Variants in CELSR1 observed in about 807,000 individuals in gnomAD.
The protein encoded by CELSR1 is cadherin EGF LAG seven-pass G-type receptor 1.
CELSR1 carries 110 observed loss-of-function variants against 249.1 expected under a neutral mutation model. The observed-to-expected ratio is 0.44, with a 90% CI of 0.38 to 0.52. The LOEUF is 0.52. CELSR1 is among the 20% of genes least tolerant of loss of function. The pLI is 0.00. For missense variants in CELSR1, 4,109 were observed against 4,296.4 expected, an observed-to-expected ratio of 0.96 and a Z score of 1.22; for synonymous variants, 2,113 against 1,900.0, an observed-to-expected ratio of 1.11 and a Z score of -2.92.
rs1846821513 is a variant in CELSR1, at chr22:46,396,178, A to C, written c.5843+427T>G. Among the ~76,000 whole-genome samples the C allele has an allele frequency of 6.6e-6, 1 of 152,130 alleles. No homozygotes were observed. The highest frequency in any genetic ancestry group is 2.4e-5 in the African/African-American group (1 of 41,430). ...TCCCAGCACTTTGGGAGGCTGAGGC[A>C]GGTGGATCACTTGAGGTCAGGAGTT... is the stretch of plus-strand genomic sequence containing the variant. On this transcript the variant is annotated intron_variant, in intron 13 of 34. Coordinates refer to ENST00000674500, the MANE Select transcript of CELSR1 (RefSeq NM_001378328.1). This position sits in a 1 kb window ranked among gnomAD's most constrained non-coding sequence, Gnocchi z 6.4.
Position 46,433,299 on chromosome 22 carries a change from T to A in CELSR1, c.4611+94A>T, listed in dbSNP as rs1483071503. ...ATCCACCTGCCTTGGCCTCTCAAAGTGCTGGGATTACAGGCGTGAGCCACT... is the reference window on the plus strand; with the variant it reads ...ATCCACCTGCCTTGGCCTCTCAAAGAGCTGGGATTACAGGCGTGAGCCACT... On this transcript the variant is annotated intron_variant, in intron 5 of 34. Transcript: ENST00000674500. The surrounding 1 kb of genome is among the most constrained non-coding windows in gnomAD (Gnocchi z 5.7). The A allele has an allele frequency of 1.1e-6, 1 of 911,116 alleles. No homozygotes were observed. The allele number at this position is 911,116 out of a possible 1,614,324, so 56.4% of individuals were successfully genotyped here.
chr22:46,412,417 G>A lies in CELSR1; in HGVS notation c.4612-658C>T, dbSNP rs2079348554. On this transcript the variant is annotated intron_variant, in intron 5 of 34. Transcript: ENST00000674500. This position sits in a 1 kb window ranked among gnomAD's most constrained non-coding sequence, Gnocchi z 4.5. Reference sequence around the variant, plus strand: ...TTCTGGGGGTGTCCTCCTGACCACGGCACCTGGCCAGGTTCGTGCTCCTGG... The same window carrying A: ...TTCTGGGGGTGTCCTCCTGACCACGACACCTGGCCAGGTTCGTGCTCCTGG... Among the ~76,000 whole-genome samples the A allele has an allele frequency of 6.6e-6, 1 of 152,106 alleles. No homozygotes were observed. Among genetic ancestry groups the A allele is most frequent in the African/African-American group, 2.4e-5 (1 of 41,406 alleles).
chr22:46,494,754 G>T (rs939681546), intron 1 of CELSR1, among the ~76,000 whole-genome samples: 1 of 152,010 alleles, frequency 6.6e-6, no homozygotes. Context: ...TGATCCGCCC[G>T]CCTCGGTCTC....
chr22:46,457,289 G>A (rs973278101), intron 2 of CELSR1, among the ~76,000 whole-genome samples: 3 of 152,080 alleles, frequency 2.0e-5, no homozygotes, highest in African/African-American at 4.8e-5. Context: ...AGGCTGCAGT[G>A]AGCCAAGGTT....
At position 46,361,833 on chromosome 22, in the gene CELSR1, G is replaced by A. The variant is rs2078707686; in HGVS notation, c.*1390C>T. On this transcript the variant is annotated 3_prime_UTR_variant, in exon 35 of 35. Coordinates refer to ENST00000674500, the MANE Select transcript of CELSR1 (RefSeq NM_001378328.1). ...TGGGCACCTGATTTGAAGAACAAAG[G>A]AAACGCTAAAATCAAACATGTCTGA... 1 of 152,262 alleles carries A rather than the reference G, an allele frequency of 6.6e-6. No homozygotes were observed. Among genetic ancestry groups the A allele is most frequent in the Non-Finnish European group, 1.5e-5 (1 of 68,052 alleles). 9.4% of individuals were successfully genotyped at this position (152,262 alleles called of 1,614,324 possible).
Position 46,429,883 on chromosome 22 carries a change from C to T in CELSR1, c.4611+3510G>A, listed in dbSNP as rs1197392310. Among the ~76,000 whole-genome samples the T allele has an allele frequency of 2.0e-5, 3 of 152,268 alleles. No homozygotes were observed. The highest frequency in any genetic ancestry group is 7.2e-5 in the African/African-American group (3 of 41,470). ...GCAGCTCCGCTGGCACTGCCTCCAG[C>T]CCTGGGTCCCACACCGCCTCTCATG... On this transcript the variant is annotated intron_variant, in intron 5 of 34. Transcript: ENST00000674500. This position sits in a 1 kb window ranked among gnomAD's most constrained non-coding sequence, Gnocchi z 4.1.
rs1046472896 is a variant in CELSR1 at position 46,441,800 on chromosome 22, G to A, written c.4184-2389C>T. ...GCACCATTCTGTCCAGAGCAGATAT[G>A]TATGAGACAACTGGCAATTTTAAAA... On this transcript the variant is annotated intron_variant, in intron 2 of 34. Coordinates refer to ENST00000674500, the MANE Select transcript of CELSR1 (RefSeq NM_001378328.1). This position sits in a 1 kb window ranked among gnomAD's most constrained non-coding sequence, Gnocchi z 6.1. Among the ~76,000 whole-genome samples, 3 of 152,204 alleles carry A rather than the reference G, an allele frequency of 2.0e-5. No homozygotes were observed. Among genetic ancestry groups the A allele is most frequent in the Non-Finnish European group, 4.4e-5 (3 of 68,034 alleles).
At chr22:46,519,116 G>A (rs1055615693) in intron 1 of CELSR1, among the ~76,000 whole-genome samples, 5 of 152,068 alleles carry the variant, frequency 3.3e-5, no homozygotes, top group Non-Finnish European at 5.9e-5. Context: ...GACACTGGCC[G>A]GGGAGAAGCC....
In CELSR1 at chr22:46,416,102, C is replaced by CG. The variant is rs1230223357; in HGVS notation, c.4612-4344_4612-4343insC. ...AGCTGACGATGAATGGTACAGGTTGCAGAGGGGGGCGGATAAGGAATGAGA... is the reference window on the plus strand; with the variant it reads ...AGCTGACGATGAATGGTACAGGTTGCGAGAGGGGGGCGGATAAGGAATGAGA... On this transcript the variant is annotated intron_variant, in intron 5 of 34. Transcript: ENST00000674500. Among the ~76,000 whole-genome samples the CG allele has an allele frequency of 9.0e-5, 11 of 122,386 alleles. 2 individuals carry two copies. Among genetic ancestry groups the CG allele is most frequent in the African/African-American group, 3.0e-4 (9 of 30,270 alleles). 80.3% of individuals were successfully genotyped at this position (122,386 alleles called of 152,430 possible).
At position 46,367,050 on chromosome 22, in the gene CELSR1, G is replaced by C; in HGVS notation, c.8148C>G (p.Leu2716=). Residue 2716 remains leucine (L), a synonymous_variant, in exon 29 of 35, where the codon CTC becomes CTG. Transcript: ENST00000674500. ...CCTCCAGGTGCAGCTTCCTCCCGCCGAGCACGCCCTTCAGGTGCTTCCGGA... is the reference window on the plus strand; with the variant it reads ...CCTCCAGGTGCAGCTTCCTCCCGCCCAGCACGCCCTTCAGGTGCTTCCGGA... ...QEVRKHLKGV[L]GGRKLHLEDS... 1 of 1,611,188 alleles carries C rather than the reference G, an allele frequency of 6.2e-7. No individual in the cohort carries two copies. The highest frequency in any genetic ancestry group is 8.5e-7 in the Non-Finnish European group (1 of 1,179,564).
chr22:46,367,833 G>C lies in CELSR1; in HGVS notation c.7975C>G (p.Leu2659Val), dbSNP rs1405655386. 6.2e-7 allele frequency: 1 copy of C among 1,611,376 alleles called. No individual in the cohort carries two copies. Among genetic ancestry groups the C allele is most frequent in the Non-Finnish European group, 8.5e-7 (1 of 1,179,706 alleles). The part of the protein sequence containing the change: ...GIVSLLRTAF[L>V]LLLLISATWL... ...GTGGCGCTGATGAGCAGCAGCAGGA[G>C]GAATGCGGTCCTCAGCAGGGAGCTG... Residue 2659 changes from leucine (L) to valine (V), a missense_variant, in exon 28 of 35, where the codon CTC becomes GTC. Around this residue, in one of 7 missense-constraint regions of CELSR1, gnomAD observed 1,805 missense variants for 1,831.6 expected, o/e 0.99. Coordinates refer to ENST00000674500, the MANE Select transcript of CELSR1 (RefSeq NM_001378328.1).
intron 2 of CELSR1, among the ~76,000 whole-genome samples, chr22:46,453,772 G>A (rs1255517382): frequency 6.6e-6 from 1 of 152,180 alleles, no homozygotes; most frequent in African/African-American, 2.4e-5. Context: ...GATCGTGGCC[G>A]GTTATAAACA....
At chr22:46,462,963 A>G (rs1264467379) in intron 2 of CELSR1, 2 of 463,950 alleles carry the variant, frequency 4.3e-6, no homozygotes, top group East Asian at 7.1e-5. Flanking sequence ...TCAAGACCCA[A>G]ATGATTAATG....
chr22:46,535,590 G>A lies in CELSR1; in HGVS notation c.1581C>T (p.Val527=). The A allele has an allele frequency of 1.2e-6, 2 of 1,613,446 alleles. No individual in the cohort carries two copies. Among genetic ancestry groups the A allele is most frequent in the Non-Finnish European group, 1.7e-6 (2 of 1,180,034 alleles). ...CCTTAATGCTCAGCGAGTATTTCTGGACATCCTCGAAATCCAAGGGGTTGA... is the reference window on the plus strand; with the variant it reads ...CCTTAATGCTCAGCGAGTATTTCTGAACATCCTCGAAATCCAAGGGGTTGA... The part of the protein sequence containing the change: ...DVINPLDFED[V]QKYSLSIKAQ... Residue 527 remains valine, a synonymous_variant, in exon 1 of 35, where the codon GTC becomes GTT. Transcript: ENST00000674500.
At position 46,436,329 on chromosome 22, in the gene CELSR1, C is replaced by T. The variant is rs1458080949; in HGVS notation, c.4407-40G>A. 1 of 1,531,360 alleles carries T rather than the reference C, an allele frequency of 6.5e-7. No individual in the cohort carries two copies. The highest frequency in any genetic ancestry group is 9.0e-7 in the Non-Finnish European group (1 of 1,106,850). The allele number at this position is 1,531,360 out of a possible 1,614,324, so 94.9% of individuals were successfully genotyped here. A position where few individuals can be genotyped will look rare whatever the true frequency, so the allele number is the denominator to read the frequency against. On this transcript the variant is annotated intron_variant, in intron 3 of 34. Transcript: ENST00000674500. This position sits in a 1 kb window ranked among gnomAD's most constrained non-coding sequence, Gnocchi z 5.9. ...AGAGGCACATCACAGGATGAAGACC[C>T]CAGGGTCCAAAGGCTGCCTAGGAAT...
chr22:46,464,136 C>G lies in CELSR1; in HGVS notation c.3754G>C (p.Asp1252His). The change falls in exon 2 of 35, where the codon GAC (aspartate) becomes CAC (histidine). Residue 1252 changes from aspartate (D) to histidine (H), a missense_variant. Asp to His is a moderately conservative substitution (Grantham distance 81). This residue lies in a region of CELSR1 where 141 missense variants were observed against 209.4 expected (regional missense o/e 0.67). Transcript: ENST00000674500. This position sits in a 1 kb window ranked among gnomAD's most constrained non-coding sequence, Gnocchi z 8.5. Reference sequence around the variant, plus strand: ...ACGTTCAGGATGTTGGAGCTGACGTCGGTGTCGTTCTGGACGTTGAAGACG... The same window carrying G: ...ACGTTCAGGATGTTGGAGCTGACGTGGGTGTCGTTCTGGACGTTGAAGACG... ...VFVFNVQNDT[D>H]VSSNILNVTF... The G allele has an allele frequency of 1.2e-6, 2 of 1,613,792 alleles. No homozygotes were observed. Among genetic ancestry groups the G allele is most frequent in the South Asian group, 1.1e-5 (1 of 91,078 alleles).
rs111527695 is a variant in CELSR1 at position 46,482,475 on chromosome 22, GAGGCAGAAAATCCA to G, written c.3545-18144_3545-18131del. On this transcript the variant is annotated intron_variant, in intron 1 of 34. Transcript: ENST00000674500. ...TCTTGCAATCCTCAGGGGACTCTAGGAGGCAGAAAATCCAATCACCCAGTTTTACTGATGAGGAA... is the reference window on the plus strand; with the variant it reads ...TCTTGCAATCCTCAGGGGACTCTAGGATCACCCAGTTTTACTGATGAGGAA... Among the ~76,000 whole-genome samples the G allele has an allele frequency of 2.8e-3, 419 of 152,204 alleles. 2 individuals are homozygous for G. Among genetic ancestry groups the G allele is most frequent in the African/African-American group, 9.5e-3 (393 of 41,522 alleles).
At chr22:46,364,489 G>A (rs1237949073) in intron 33 of CELSR1, 23 bp downstream of exon 33, 10 of 1,595,518 alleles carry the variant, frequency 6.3e-6, no homozygotes, top group Non-Finnish European at 8.5e-6. Flanking sequence ...GCCTTTCACT[G>A]CAGCCCCGGC....
intron 20 of CELSR1, among the ~76,000 whole-genome samples, 199 bp downstream of exon 20, chr22:46,384,344 G>A (rs1051196562): frequency 9.9e-5 from 15 of 152,232 alleles, no homozygotes; most frequent in African/African-American, 3.4e-4. Flanking sequence ...TCAGATTTCA[G>A]GATTAGGATG....
Sources: allele counts gnomAD v4.1 joint callset (sites outside exome capture counted in the v4.1 genomes callset), GRCh38; gene constraint gnomAD v4.1.1; regional missense constraint gnomAD v4.1.1; non-coding constraint Gnocchi (gnomAD v3.1); transcripts MANE v1.5; gene names NCBI Gene and HGNC (gene_info 2026-07-23, HGNC 2026-07-21).